The following MAD2L2 variants were observed in gnomAD, a reference collection of about 807,000 sequenced individuals.
MAD2L2 encodes the protein mitotic spindle assembly checkpoint protein MAD2B.
MAD2L2 carries 17 observed loss-of-function variants against 30.5 expected under a neutral mutation model. The ratio of observed to expected loss-of-function variants is 0.56; its 90% CI spans 0.38 to 0.84. The LOEUF is 0.84. Ranked by LOEUF, MAD2L2 falls within the 40% of genes least tolerant of loss-of-function variation. The pLI is 0.00. For synonymous variants in MAD2L2, 101 were observed against 113.9 expected (o/e 0.89, Z 0.72); for missense variants, 213 against 277.4 (o/e 0.77, Z 1.65).
At chr1:11,675,012 G>A in intron 8 of MAD2L2, 70 bp downstream of exon 8, 1 of 1,377,812 alleles carries the variant, frequency 7.3e-7, no homozygotes, top group East Asian at 2.3e-5. Flanking sequence ...CTCTAGTAAG[G>A]CCTCAGCACC....
At chr1:11,675,893 T>C (rs755830715) in intron 6 of MAD2L2, 153 bp downstream of exon 6, 2 of 881,084 alleles carry the variant, frequency 2.3e-6, no homozygotes, top group African/African-American at 1.7e-5. Context: ...GGAAGCCAGG[T>C]AGAATCAATC....
chr1:11,676,079 C>T lies in MAD2L2; in HGVS notation c.394G>A (p.Val132Met). 7.4e-6 allele frequency: 12 copies of T among 1,612,940 alleles called. No individual in the cohort carries two copies. The highest frequency in any genetic ancestry group is 1.0e-5 in the Non-Finnish European group (12 of 1,179,420). Residue 132 changes from valine to methionine, a missense_variant, in exon 6 of 9, where the codon GTG (valine) becomes ATG (methionine). Val to Met is a conservative substitution (Grantham distance 21). Coordinates refer to ENST00000376692, the MANE Select transcript of MAD2L2 (RefSeq NM_006341.4). ...LLRAFILKIS[V>M]CDAVLDHNPP... ...TTGTGGTCCAGGACGGCATCGCACACGCTGATCTTCAGGATGAAGGCCCGG... is the reference window on the plus strand; with the variant it reads ...TTGTGGTCCAGGACGGCATCGCACATGCTGATCTTCAGGATGAAGGCCCGG...
At chr1:11,685,984 C>G (rs1640949557), upstream of MAD2L2, among the ~76,000 whole-genome samples, 1 of 152,082 alleles carries the variant, frequency 6.6e-6, no homozygotes, top group Non-Finnish European at 1.5e-5. Context: ...GTGCACAATG[C>G]CTGGCACATA....
At chr1:11,679,433 G>T (rs1028526532) in intron 3 of MAD2L2, among the ~76,000 whole-genome samples, 4 of 152,172 alleles carry the variant, frequency 2.6e-5, no homozygotes, top group Non-Finnish European at 5.9e-5. Flanking sequence ...TAGGATAAAT[G>T]GTAGGGAGAA....
intron 7 of MAD2L2, 48 bp downstream of exon 7, chr1:11,675,610 A>G (rs1640749210): frequency 1.3e-6 from 2 of 1,580,756 alleles, no homozygotes; most frequent in Admixed American, 1.7e-5. Flanking sequence ...GAACTGCGAC[A>G]TCACGTTTCT....
At position 11,676,928 on chromosome 1, in the gene MAD2L2, C is replaced by T; in HGVS notation, c.252G>A (p.Val84=). 6.2e-7 allele frequency: 1 copy of T among 1,614,040 alleles called. No individual in the cohort carries two copies. Among genetic ancestry groups the T allele is most frequent in the Non-Finnish European group, 8.5e-7 (1 of 1,179,914 alleles). ...GGTGCTCTTTATCCAAAATCACCAC[C>T]ACCACTTTCTCCACATCATTCTGCA... ...LLEKNDVEKV[V]VVILDKEHRP... Residue 84 remains valine (V), a synonymous_variant, in exon 5 of 9, where the codon GTG becomes GTA. Coordinates refer to ENST00000376692, the MANE Select transcript of MAD2L2 (RefSeq NM_006341.4).
chr1:11,681,310 G>A (rs1640876312), upstream of MAD2L2: 1 of 152,212 alleles, frequency 6.6e-6, no homozygotes, highest in African/African-American at 2.4e-5. Context: ...GCTGAGACCC[G>A]CCGCGCCACC....
rs997815661 is a variant in MAD2L2, at chr1:11,688,286, A to G, written c.-692+3127T>C. Among the ~76,000 whole-genome samples the G allele has an allele frequency of 1.9e-4, 29 of 152,158 alleles. No individual in the cohort carries two copies. The highest frequency in any genetic ancestry group is 6.5e-4 in the African/African-American group (27 of 41,448). ...TAGGAATCAGCACACGTGGCCGGGC[A>G]CGGTGGCTCATGCCTGTAATCCCAG... On this transcript the variant is annotated intron_variant, in intron 1 of 10. Coordinates refer to the MAD2L2 transcript ENST00000235310. This position sits in a 1 kb window ranked among gnomAD's most constrained non-coding sequence, Gnocchi z 4.6.
rs1640995363 is a variant in MAD2L2 at position 11,688,166 on chromosome 1, C to T, written c.-692+3247G>A. 6.6e-6 allele frequency among the ~76,000 whole-genome samples: 1 copy of T among 152,224 alleles called. No individual in the cohort carries two copies. The highest frequency in any genetic ancestry group is 1.5e-5 in the Non-Finnish European group (1 of 68,038). ...TCATGCTGGCTGCACACTGCCCCCT[C>T]TCCCAGGCCCAGGTGACCATCATCT... On this transcript the variant is annotated intron_variant, in intron 1 of 10. Coordinates refer to the MAD2L2 transcript ENST00000235310. This position sits in a 1 kb window ranked among gnomAD's most constrained non-coding sequence, Gnocchi z 4.6.
At chr1:11,686,012 T>G (rs1028872937), upstream of MAD2L2, among the ~76,000 whole-genome samples, 11 of 152,296 alleles carry the variant, frequency 7.2e-5, no homozygotes, top group Admixed American at 2.0e-4. Context: ...AATTAATGAC[T>G]GTTATGACAA....
intron 1 of MAD2L2, among the ~76,000 whole-genome samples, chr1:11,686,779 A>G (rs2100719463): frequency 6.7e-6 from 1 of 148,930 alleles, no homozygotes; most frequent in Non-Finnish European, 1.5e-5. Context: ...ACAAGGTAAG[A>G]ACTTTTGATC....
At position 11,674,830 on chromosome 1, in the gene MAD2L2, G is replaced by A; in HGVS notation, c.595-14C>T. On this transcript the variant is annotated splice_polypyrimidine_tract_variant and intron_variant, in intron 8 of 8. Coordinates refer to ENST00000376692, the MANE Select transcript of MAD2L2 (RefSeq NM_006341.4). This position sits in a 1 kb window ranked among gnomAD's most constrained non-coding sequence, Gnocchi z 6.1. ...GTAAAGCTGCATCTGACGGACACAA[G>A]CAAACAGCCACAGTCAGCAAGACAG... is the stretch of plus-strand genomic sequence containing the variant. 1 of 1,613,600 alleles carries A rather than the reference G, an allele frequency of 6.2e-7. No homozygotes were observed. Among genetic ancestry groups the A allele is most frequent in the Non-Finnish European group, 8.5e-7 (1 of 1,179,946 alleles).
In MAD2L2 at chr1:11,690,319, C is replaced by G. The variant is rs369308223; in HGVS notation, c.-692+1094G>C. 1.5e-4 allele frequency among the ~76,000 whole-genome samples: 23 copies of G among 152,216 alleles called. No individual in the cohort carries two copies. The East Asian group carries it at 1.9e-3, about 13-fold the overall frequency. ...CAAACCTTTCAGTGAATAAACAGTTCAGTGTTCTCATCAATCCATCCTGGT... is the reference window on the plus strand; with the variant it reads ...CAAACCTTTCAGTGAATAAACAGTTGAGTGTTCTCATCAATCCATCCTGGT... On this transcript the variant is annotated intron_variant, in intron 1 of 10. Coordinates refer to the MAD2L2 transcript ENST00000235310. The surrounding 1 kb of genome is among the most constrained non-coding windows in gnomAD (Gnocchi z 4.2).
At chr1:11,684,249 C>T (rs1302964575), upstream of MAD2L2, among the ~76,000 whole-genome samples, 1 of 152,208 alleles carries the variant, frequency 6.6e-6, no homozygotes, top group Non-Finnish European at 1.5e-5. Flanking sequence ...ATGCGCTCTT[C>T]AGCATCTGGT....
chr1:11,675,886 A>C (rs1640757695), intron 6 of MAD2L2, 155 bp from the exon 7 acceptor site: 1 of 881,170 alleles, frequency 1.1e-6, no homozygotes, highest in East Asian at 2.5e-5. Flanking sequence ...GGGAGATGGA[A>C]GCCAGGTAGA....
At position 11,688,302 on chromosome 1, in the gene MAD2L2, G is replaced by A. The variant is rs541110464; in HGVS notation, c.-692+3111C>T. ...TGGCCGGGCACGGTGGCTCATGCCT[G>A]TAATCCCAGAACTTTGGGAGGCCGA... On this transcript the variant is annotated intron_variant, in intron 1 of 10. Transcript: ENST00000235310. This position sits in a 1 kb window ranked among gnomAD's most constrained non-coding sequence, Gnocchi z 4.6. Among the ~76,000 whole-genome samples, 32 of 152,308 alleles carry A rather than the reference G, an allele frequency of 2.1e-4. No homozygotes were observed. In the East Asian group the frequency reaches 5.2e-3, roughly 25 times the overall value.
At chr1:11,678,026 C>A (rs1041460677) in intron 3 of MAD2L2, among the ~76,000 whole-genome samples, 3 of 131,114 alleles carry the variant, frequency 2.3e-5, no homozygotes, top group Non-Finnish European at 4.6e-5. Context: ...CACTGCACTG[C>A]AACATGGGCA....
intron 1 of MAD2L2, 133 bp from the exon 2 acceptor site, chr1:11,680,746 G>T: frequency 1.4e-6 from 2 of 1,404,904 alleles, no homozygotes; most frequent in Non-Finnish European, 9.2e-7. Context: ...ACAGGCTCAG[G>T]GCAGCTGGAA....
chr1:11,680,208 C>T (rs1640845923), intron 3 of MAD2L2, 145 bp downstream of exon 3: 2 of 607,224 alleles, frequency 3.3e-6, no homozygotes, highest in Non-Finnish European at 2.9e-6. Context: ...GTTTGTCAGG[C>T]TGGTCTCGAA....
Sources: gnomAD v4.1 joint callset for allele counts (sites outside exome capture counted in the v4.1 genomes callset) on GRCh38, gnomAD v4.1.1 for gene constraint, Gnocchi (gnomAD v3.1) non-coding constraint, MANE v1.5 for transcripts, NCBI Gene and HGNC (gene_info 2026-07-23, HGNC 2026-07-21) for gene names.